The following TTC6 variants were observed in gnomAD, a reference collection of about 807,000 sequenced individuals.
The protein encoded by TTC6 is tetratricopeptide repeat protein 6.
In TTC6, 172 loss-of-function variants were observed where a neutral mutation model predicts 210.4. The observed-to-expected ratio is 0.82, with a 90% CI of 0.72 to 0.93. The LOEUF is 0.93. Ranked by LOEUF, TTC6 falls within the 40% of genes least tolerant of loss-of-function variation. The probability of loss-of-function intolerance (pLI) is 0.00; values close to 1 mark genes in which losing one functional copy is unlikely to be tolerated. For synonymous variants in TTC6, 804 were observed against 819.6 expected (o/e 0.98, Z 0.32); for missense variants, 2,414 against 2,318.1 (o/e 1.04, Z -0.85).
At chr14:37,639,715 C>CAAAAAAAAAAAAAA (rs35837305) in intron 1 of TTC6, among the ~76,000 whole-genome samples, 1 of 74,196 alleles carries the variant, frequency 1.3e-5, no homozygotes, top group African/African-American at 5.1e-5. Flanking sequence ...ACAAGAAATA[C>CAAAAAAAAAAAAAA]AAAAAAAAAA....
chr14:37,717,613 T>G (rs2138780495), intron 6 of TTC6, among the ~76,000 whole-genome samples: 1 of 152,264 alleles, frequency 6.6e-6, no homozygotes, highest in African/African-American at 2.4e-5. Context: ...CTAGAGAGAA[T>G]TCTACCACAC....
chr14:37,837,588 A>G (rs1451054503), intron 29 of TTC6: 1 of 275,260 alleles, frequency 3.6e-6, no homozygotes, highest in South Asian at 3.2e-5. Flanking sequence ...AACATGATAT[A>G]TAAGTAATAA....
At chr14:37,729,189 A>G (rs1020129360) in intron 7 of TTC6, among the ~76,000 whole-genome samples, 15 of 152,264 alleles carry the variant, frequency 9.9e-5, no homozygotes, top group African/African-American at 3.4e-4. Flanking sequence ...GCATTTTTTA[A>G]TAATGCAGTC....
chr14:37,636,393 T>A (rs1383767980), intron 1 of TTC6, among the ~76,000 whole-genome samples: 3 of 152,098 alleles, frequency 2.0e-5, no homozygotes, highest in Non-Finnish European at 1.5e-5. Flanking sequence ...CCTTAATACA[T>A]CTAAAAGAAT....
intron 1 of TTC6, among the ~76,000 whole-genome samples, chr14:37,627,449 C>G (rs1414496669): frequency 6.6e-6 from 1 of 151,966 alleles, no homozygotes; most frequent in African/African-American, 2.4e-5. Context: ...GCTATCCCTC[C>G]CCTAGCCCCC....
intron 1 of TTC6, among the ~76,000 whole-genome samples, chr14:37,679,235 A>G (rs182264745): frequency 2.0e-5 from 3 of 152,208 alleles, no homozygotes; most frequent in Non-Finnish European, 2.9e-5. Flanking sequence ...AAAAAAAGTC[A>G]TGTAGTTGAA....
intron 25 of TTC6, among the ~76,000 whole-genome samples, chr14:37,812,877 GTGGTGACAGGCATT>G (rs1237124254): frequency 6.6e-6 from 1 of 152,180 alleles, no homozygotes; most frequent in Non-Finnish European, 1.5e-5. Context: ...TTTAAAGTGA[GTGGTGACAGGCATT>G]TAGAATCATA....
chr14:37,836,711 GCTTT>G, intron 29 of TTC6, among the ~76,000 whole-genome samples: 1 of 152,248 alleles, frequency 6.6e-6, no homozygotes, highest in East Asian at 1.9e-4. Flanking sequence ...ATTCTAGCAT[GCTTT>G]GAGCCTCCTT....
chr14:37,681,931 C>G (rs1352771492), intron 2 of TTC6, among the ~76,000 whole-genome samples: 1 of 152,118 alleles, frequency 6.6e-6, no homozygotes, highest in Non-Finnish European at 1.5e-5. Flanking sequence ...TGTCCCCCAC[C>G]CTTTTGCAGT....
rs2095800340 is a variant in TTC6, at chr14:37,689,837, A to T, written c.1257+6873A>T. Among the ~76,000 whole-genome samples, 3 of 152,088 alleles carry T rather than the reference A, an allele frequency of 2.0e-5. No individual in the cohort carries two copies. In the South Asian group the frequency reaches 6.2e-4, roughly 31 times the overall value. On this transcript the variant is annotated intron_variant, in intron 3 of 30. Transcript: ENST00000553443. ...ATACTAAAAGGAGTACTTCAACCAGAGAGAAAAGCATGATAATGAGGAATA... is the reference window on the plus strand; with the variant it reads ...ATACTAAAAGGAGTACTTCAACCAGTGAGAAAAGCATGATAATGAGGAATA...
At chr14:37,770,817 T>G (rs1461935192) in intron 14 of TTC6, among the ~76,000 whole-genome samples, 25 of 150,106 alleles carry the variant, frequency 1.7e-4, no homozygotes, top group African/African-American at 5.9e-4. Flanking sequence ...AAAGTTAATA[T>G]TGTTATGTGT....
chr14:37,658,436 G>T (rs1326488458), intron 1 of TTC6, among the ~76,000 whole-genome samples: 1 of 152,154 alleles, frequency 6.6e-6, no homozygotes. Flanking sequence ...GTGTGAGGTG[G>T]TGGGGGCCTG....
intron 17 of TTC6, 76 bp downstream of exon 19, chr14:37,792,490 T>G (rs751546682): frequency 3.3e-5 from 40 of 1,196,120 alleles, no homozygotes; most frequent in Non-Finnish European, 3.7e-5. Flanking sequence ...ATAATTTTAA[T>G]ATATATACAT....
At position 37,701,536 on chromosome 14, in the gene TTC6, C is replaced by T. The variant is rs1207708578; in HGVS notation, c.1571+10C>T. On this transcript the variant is annotated intron_variant, in intron 5 of 30. Transcript: ENST00000553443. The stretch of plus-strand genomic sequence containing the variant: ...AAGAACAAACAGATAGGTAAGAGTT[C>T]CACTGGTAATTTGATTTTAAGCTAA... 1 of 1,416,470 alleles carries T rather than the reference C, an allele frequency of 7.1e-7. No homozygotes were observed. Among genetic ancestry groups the T allele is most frequent in the Non-Finnish European group, 9.2e-7 (1 of 1,090,404 alleles). The allele number at this position is 1,416,470 out of a possible 1,614,324, so 87.7% of individuals were successfully genotyped here. A position where few individuals can be genotyped will look rare whatever the true frequency, so the allele number is the denominator to read the frequency against.
intron 1 of TTC6, among the ~76,000 whole-genome samples, chr14:37,660,556 G>A (rs1381075118): frequency 1.3e-5 from 2 of 152,130 alleles, no homozygotes; most frequent in Admixed American, 6.5e-5. Flanking sequence ...ATTCCATGGT[G>A]TATATGTACC....
At chr14:37,639,592 T>A in intron 1 of TTC6, among the ~76,000 whole-genome samples, 1 of 151,712 alleles carries the variant, frequency 6.6e-6, no homozygotes, top group South Asian at 2.1e-4. Context: ...GGAAAGTGAC[T>A]GGGTGCGGTG....
chr14:37,698,340 A>G (rs2138663183), intron 4 of TTC6, among the ~76,000 whole-genome samples: 1 of 152,262 alleles, frequency 6.6e-6, no homozygotes, highest in East Asian at 1.9e-4. Flanking sequence ...ATGTTAGTAG[A>G]CTATAATGGG....
chr14:37,772,788 G>A (rs900972221), intron 14 of TTC6, among the ~76,000 whole-genome samples: 2 of 152,162 alleles, frequency 1.3e-5, no homozygotes, highest in African/African-American at 2.4e-5. Context: ...GCTGGGAGCT[G>A]TAGACCGGAG....
At chr14:37,756,289 T>G (rs1300479729) in intron 14 of TTC6, among the ~76,000 whole-genome samples, 1 of 152,214 alleles carries the variant, frequency 6.6e-6, no homozygotes, top group East Asian at 1.9e-4. Flanking sequence ...TCATGTCGTC[T>G]GCAAACAGAG....
Sources: gnomAD v4.1 joint callset for allele counts (sites outside exome capture counted in the v4.1 genomes callset) on GRCh38, gnomAD v4.1.1 for gene constraint, MANE v1.5 for transcripts, NCBI Gene and HGNC (gene_info 2026-07-23, HGNC 2026-07-21) for gene names.